Variants in SHISA6 observed in about 807,000 individuals in gnomAD.
SHISA6 encodes protein shisa-6.
In SHISA6, 22 loss-of-function variants were observed where a neutral mutation model predicts 47.9. The ratio of observed to expected loss-of-function variants is 0.46; its 90% CI spans 0.33 to 0.66. SHISA6 has a LOEUF of 0.66. Among genes scored for constraint, SHISA6 ranks in the 30% least tolerant of loss-of-function variants. The probability of loss-of-function intolerance (pLI) is 0.02; values close to 1 mark genes in which losing one functional copy is unlikely to be tolerated. For synonymous variants in SHISA6, 388 were observed against 337.8 expected (o/e 1.15, Z -1.63); for missense variants, 680 against 764.6 (o/e 0.89, Z 1.30).
chr17:11,247,429 G>A (rs1907633966), intron 1 of SHISA6, among the ~76,000 whole-genome samples: 1 of 152,110 alleles, frequency 6.6e-6, no homozygotes, highest in South Asian at 2.1e-4. Context: ...CTGGCTATGG[G>A]AGGTCACCAC....
chr17:11,547,241 G>T (rs1367000779), intron 3 of SHISA6, among the ~76,000 whole-genome samples: 1 of 152,114 alleles, frequency 6.6e-6, no homozygotes, highest in African/African-American at 2.4e-5. Context: ...TGTCAATTTT[G>T]TACTCTACCA....
chr17:11,331,343 A>G lies in SHISA6; in HGVS notation c.800-48071A>G, dbSNP rs573382240. ...TTCTCACCTGCTTCCTCTCAGTGGGAACGTTTGCTAAATGCTTAATGTAAG... is the reference window on the plus strand; with the variant it reads ...TTCTCACCTGCTTCCTCTCAGTGGGGACGTTTGCTAAATGCTTAATGTAAG... On this transcript the variant is annotated intron_variant, in intron 2 of 5. Transcript: ENST00000441885. 1.8e-4 allele frequency among the ~76,000 whole-genome samples: 28 copies of G among 152,308 alleles called. 1 individual carries two copies. The South Asian group carries it at 5.8e-3, about 32-fold the overall frequency.
At chr17:11,532,135 A>G (rs945501672) in intron 3 of SHISA6, among the ~76,000 whole-genome samples, 1 of 152,170 alleles carries the variant, frequency 6.6e-6, no homozygotes, top group Admixed American at 6.5e-5. Flanking sequence ...TTGAAGCAGG[A>G]GAAGTTTGGA....
intron 3 of SHISA6, among the ~76,000 whole-genome samples, chr17:11,396,075 G>C (rs1196218146): frequency 2.0e-5 from 3 of 152,106 alleles, no homozygotes; most frequent in Non-Finnish European, 4.4e-5. Context: ...CTATTGTCTT[G>C]AGTTTTTTTA....
intron 3 of SHISA6, among the ~76,000 whole-genome samples, chr17:11,406,301 T>A (rs1239428825): frequency 6.6e-6 from 1 of 152,216 alleles, no homozygotes; most frequent in Non-Finnish European, 1.5e-5. Flanking sequence ...ACTAGGGAAT[T>A]AATATCATAC....
At chr17:11,424,865 T>C (rs1914562767) in intron 3 of SHISA6, among the ~76,000 whole-genome samples, 2 of 151,780 alleles carry the variant, frequency 1.3e-5, no homozygotes, top group African/African-American at 4.8e-5. Context: ...TAGCCGGGCA[T>C]GGGCGTGGTG....
intron 2 of SHISA6, among the ~76,000 whole-genome samples, chr17:11,310,511 A>C (rs974660881): frequency 6.6e-6 from 1 of 152,184 alleles, no homozygotes; most frequent in Non-Finnish European, 1.5e-5. Context: ...GGAGTCCTGA[A>C]TGGCTGGAAC....
At chr17:11,243,319 A>G (rs1220056856) in intron 1 of SHISA6, among the ~76,000 whole-genome samples, 1 of 151,536 alleles carries the variant, frequency 6.6e-6, no homozygotes, top group Non-Finnish European at 1.5e-5. Context: ...TTTCTGCTTG[A>G]TACTGTGGGT....
chr17:11,524,571 A>G (rs1211297179), intron 3 of SHISA6, among the ~76,000 whole-genome samples: 1 of 149,932 alleles, frequency 6.7e-6, no homozygotes, highest in Non-Finnish European at 1.5e-5. Flanking sequence ...ATCTCAGCTC[A>G]CCACAACCTC....
At chr17:11,470,891 A>C (rs151074037) in intron 3 of SHISA6, among the ~76,000 whole-genome samples, 2,978 of 152,216 alleles carry the variant, frequency 0.02, 39 homozygotes, top group Non-Finnish European at 0.028. Flanking sequence ...ACAGTGATGG[A>C]AGAGTTGTTG....
In SHISA6 at chr17:11,250,543, C is replaced by T. The variant is rs77214958; in HGVS notation, c.638+8483C>T. Among the ~76,000 whole-genome samples, 37 of 152,342 alleles carry T rather than the reference C, an allele frequency of 2.4e-4. No individual in the cohort carries two copies. The East Asian group carries it at 4.3e-3, about 18-fold the overall frequency. On this transcript the variant is annotated intron_variant, in intron 1 of 5. Coordinates refer to ENST00000441885, the MANE Select transcript of SHISA6 (RefSeq NM_207386.4). ...TGACAAGGGTTACCAGACTCAGTGT[C>T]TGCAGGCAGGGAAGCCATGGCTGTG...
At chr17:11,531,834 TTTAAA>T (rs2071735940) in intron 3 of SHISA6, among the ~76,000 whole-genome samples, 1 of 152,214 alleles carries the variant, frequency 6.6e-6, no homozygotes, top group Non-Finnish European at 1.5e-5. Context: ...AAGATTAGAT[TTTAAA>T]TGTTCTCAAC....
chr17:11,517,691 C>G (rs569360288), intron 3 of SHISA6, among the ~76,000 whole-genome samples: 4 of 151,982 alleles, frequency 2.6e-5, no homozygotes, highest in African/African-American at 7.2e-5. Flanking sequence ...TTGGTAGAGA[C>G]GGGGGTCTTG....
chr17:11,416,015 G>A (rs916196537), intron 3 of SHISA6, among the ~76,000 whole-genome samples: 2 of 152,184 alleles, frequency 1.3e-5, no homozygotes, highest in African/African-American at 4.8e-5. Flanking sequence ...TCACGTGGCA[G>A]AGAGAGAAAG....
At chr17:11,329,677 G>C (rs1911029317) in intron 2 of SHISA6, among the ~76,000 whole-genome samples, 1 of 152,028 alleles carries the variant, frequency 6.6e-6, no homozygotes. Context: ...TTCCTTATGT[G>C]GTTTTTTTAA....
intron 1 of SHISA6, among the ~76,000 whole-genome samples, chr17:11,246,452 T>C (rs1175740477): frequency 6.6e-6 from 1 of 152,172 alleles, no homozygotes; most frequent in African/African-American, 2.4e-5. Flanking sequence ...ATCGCACCAC[T>C]GCACTCCAAC....
At chr17:11,248,323 A>G (rs1448243477) in intron 1 of SHISA6, among the ~76,000 whole-genome samples, 1 of 152,200 alleles carries the variant, frequency 6.6e-6, no homozygotes, top group East Asian at 1.9e-4. Flanking sequence ...TTTTCATTGC[A>G]GGCAATTCAT....
chr17:11,449,350 G>A (rs1282941703), intron 3 of SHISA6, among the ~76,000 whole-genome samples: 1 of 152,064 alleles, frequency 6.6e-6, no homozygotes, highest in Non-Finnish European at 1.5e-5. Context: ...GGCTAAGGCA[G>A]GAGAATTGCT....
In SHISA6 at chr17:11,442,242, T is replaced by C. The variant is rs540535948; in HGVS notation, c.895+62733T>C. ...TCTCAGACTTATGGGCACATGAATG[T>C]AAGTGAATGCTGGGCTGCCAGCAAC... On this transcript the variant is annotated intron_variant, in intron 3 of 5. Transcript: ENST00000441885. Among the ~76,000 whole-genome samples the C allele has an allele frequency of 2.6e-5, 4 of 152,110 alleles. No homozygotes were observed. The South Asian group carries it at 8.3e-4, about 32-fold the overall frequency.
Sources: gnomAD v4.1 joint callset for allele counts (sites outside exome capture counted in the v4.1 genomes callset) on GRCh38, gnomAD v4.1.1 for gene constraint, MANE v1.5 for transcripts, NCBI Gene and HGNC (gene_info 2026-07-23, HGNC 2026-07-21) for gene names.